The following SNTB1 variants were observed in gnomAD, a reference collection of about 807,000 sequenced individuals.
SNTB1 encodes the protein syntrophin beta 1, also known as beta-1-syntrophin.
In SNTB1, 36 loss-of-function variants were observed where a neutral mutation model predicts 48.9. The ratio of observed to expected loss-of-function variants is 0.74; its 90% CI spans 0.56 to 0.97. SNTB1 has a LOEUF of 0.97. Ranked by LOEUF, SNTB1 falls within the 50% of genes least tolerant of loss-of-function variation. The pLI is 0.00. For synonymous variants in SNTB1, 299 were observed against 294.6 expected (o/e 1.01, Z -0.15); for missense variants, 786 against 703.4 (o/e 1.12, Z -1.33).
At chr8:120,620,872 T>C (rs1816783095) in intron 3 of SNTB1, among the ~76,000 whole-genome samples, 1 of 151,178 alleles carries the variant, frequency 6.6e-6, no homozygotes. Context: ...TGCATCTTCC[T>C]CCTCCCTCCC....
chr8:120,542,202 G>A (rs1297924069), intron 5 of SNTB1: 3 of 508,856 alleles, frequency 5.9e-6, no homozygotes, highest in Non-Finnish European at 1.0e-5. Context: ...ATAGAACTAA[G>A]GAAAAATAAT....
intron 2 of SNTB1, among the ~76,000 whole-genome samples, chr8:120,691,813 TA>T (rs1452367008): frequency 6.6e-6 from 1 of 152,212 alleles, no homozygotes; most frequent in Non-Finnish European, 1.5e-5. Flanking sequence ...TGGTCTACAT[TA>T]ATTAGCATAA....
At chr8:120,598,883 G>A (rs919592808) in intron 3 of SNTB1, among the ~76,000 whole-genome samples, 2 of 151,892 alleles carry the variant, frequency 1.3e-5, no homozygotes, top group African/African-American at 4.8e-5. Context: ...TCCATCGCAC[G>A]GCTCCTCCTC....
At chr8:120,796,417 C>A (rs776202614) in intron 1 of SNTB1, among the ~76,000 whole-genome samples, 14 of 151,896 alleles carry the variant, frequency 9.2e-5, no homozygotes, top group Non-Finnish European at 1.9e-4. Context: ...AGGACTTCAA[C>A]CTATGAATTT....
At chr8:120,758,358 C>T (rs1819354219) in intron 1 of SNTB1, among the ~76,000 whole-genome samples, 1 of 152,042 alleles carries the variant, frequency 6.6e-6, no homozygotes. Flanking sequence ...CACCTCCAGA[C>T]ATATTCAATA....
chr8:120,645,539 C>T (rs1817277545), intron 2 of SNTB1, among the ~76,000 whole-genome samples: 1 of 150,336 alleles, frequency 6.7e-6, no homozygotes, highest in Admixed American at 6.6e-5. Context: ...GTTTTGGTAC[C>T]AGTACCATGC....
intron 1 of SNTB1, among the ~76,000 whole-genome samples, chr8:120,748,116 C>T (rs1205742928): frequency 6.6e-6 from 1 of 152,134 alleles, no homozygotes; most frequent in Non-Finnish European, 1.5e-5. Context: ...TCAAACTTTT[C>T]ACTTCCCTTT....
At chr8:120,560,467 A>G (rs1439579352) in intron 4 of SNTB1, among the ~76,000 whole-genome samples, 2 of 152,204 alleles carry the variant, frequency 1.3e-5, no homozygotes, top group Non-Finnish European at 2.9e-5. Context: ...TGGGCGACAG[A>G]GCGAGACTTC....
chr8:120,556,553 A>T lies in SNTB1; in HGVS notation c.1137-7595T>A, dbSNP rs1015683462. ...AACAATAATAAGTTGGGGATGAAAC[A>T]TAGGAATGTGGACATTCATCACTAT... is the stretch of plus-strand genomic sequence containing the variant. On this transcript the variant is annotated intron_variant, in intron 4 of 6. Transcript: ENST00000517992. 3.9e-5 allele frequency among the ~76,000 whole-genome samples: 6 copies of T among 152,366 alleles called. No homozygotes were observed. In the East Asian group the frequency reaches 1.2e-3, roughly 29 times the overall value.
intron 2 of SNTB1, among the ~76,000 whole-genome samples, chr8:120,646,443 C>T (rs375671822): frequency 2.7e-5 from 4 of 150,092 alleles, no homozygotes; most frequent in Non-Finnish European, 4.5e-5. Context: ...TTGTCTTTGG[C>T]TCTGTTTAAA....
chr8:120,720,773 G>A (rs772496696), intron 1 of SNTB1, among the ~76,000 whole-genome samples: 38 of 152,284 alleles, frequency 2.5e-4, no homozygotes, highest in Middle Eastern at 3.4e-3. Context: ...CTGCCTAATC[G>A]TAGTAATCAC....
chr8:120,663,604 G>A (rs988642289), intron 2 of SNTB1, among the ~76,000 whole-genome samples: 6 of 152,180 alleles, frequency 3.9e-5, no homozygotes, highest in East Asian at 1.9e-4. Flanking sequence ...ACTGCACCCG[G>A]CCACAAGTAG....
At chr8:120,616,986 C>A (rs1221444587) in intron 3 of SNTB1, among the ~76,000 whole-genome samples, 1 of 152,234 alleles carries the variant, frequency 6.6e-6, no homozygotes, top group African/African-American at 2.4e-5. Flanking sequence ...TCTGCTCTGG[C>A]AGATAATGGT....
chr8:120,747,796 C>T (rs1344532789), intron 1 of SNTB1, among the ~76,000 whole-genome samples: 1 of 152,100 alleles, frequency 6.6e-6, no homozygotes, highest in Admixed American at 6.6e-5. Flanking sequence ...ATATAACAAA[C>T]CTGCACATGC....
intron 1 of SNTB1, among the ~76,000 whole-genome samples, chr8:120,750,465 T>C (rs1819192877): frequency 6.6e-6 from 1 of 152,260 alleles, no homozygotes; most frequent in East Asian, 1.9e-4. Context: ...ACACACAAAA[T>C]TCTTATCATT....
At chr8:120,768,800 TG>T in intron 1 of SNTB1, 1 of 152,170 alleles carries the variant, frequency 6.6e-6, no homozygotes, top group Non-Finnish European at 1.5e-5. Context: ...GAGTTTTGGA[TG>T]GTATGGGGAA....
At chr8:120,594,980 T>C (rs1158329371) in intron 3 of SNTB1, among the ~76,000 whole-genome samples, 1 of 151,986 alleles carries the variant, frequency 6.6e-6, no homozygotes, top group Non-Finnish European at 1.5e-5. Flanking sequence ...ATGTTATGTA[T>C]ATTTTACCAC....
chr8:120,717,129 T>C (rs148005794), intron 1 of SNTB1, among the ~76,000 whole-genome samples: 3 of 152,184 alleles, frequency 2.0e-5, no homozygotes, highest in African/African-American at 4.8e-5. Flanking sequence ...AAACTAATCA[T>C]AGGCTTGTAG....
intron 2 of SNTB1, among the ~76,000 whole-genome samples, chr8:120,664,217 A>G (rs1431294155): frequency 6.6e-6 from 1 of 152,230 alleles, no homozygotes; most frequent in Admixed American, 6.5e-5. Flanking sequence ...CATAAGGAAT[A>G]ACAGGATTTT....
Sources: gnomAD v4.1 joint callset for allele counts (sites outside exome capture counted in the v4.1 genomes callset) on GRCh38, gnomAD v4.1.1 for gene constraint, MANE v1.5 for transcripts, NCBI Gene and HGNC (gene_info 2026-07-23, HGNC 2026-07-21) for gene names.